MYO18B: variants seen among roughly 807,000 people sequenced by gnomAD.
The protein encoded by MYO18B is unconventional myosin-XVIIIb.
In MYO18B, 204 loss-of-function variants were observed where a neutral mutation model predicts 273.0. That is an observed-to-expected ratio of 0.75 (90% CI 0.67 to 0.84). The LOEUF (loss-of-function observed/expected upper bound fraction) is 0.84, where lower values mean the gene tolerates loss of function less well. MYO18B is among the 40% of genes least tolerant of loss of function. MYO18B has a pLI of 0.00. For synonymous variants in MYO18B, 1,330 were observed against 1,305.7 expected, an observed-to-expected ratio of 1.02 and a Z score of -0.40; for missense variants, 3,212 against 3,287.6, an observed-to-expected ratio of 0.98 and a Z score of 0.56.
intron 1 of MYO18B, among the ~76,000 whole-genome samples, chr22:25,742,829 T>C (rs2085667946): frequency 6.6e-6 from 1 of 152,218 alleles, no homozygotes; most frequent in African/African-American, 2.4e-5. Flanking sequence ...TGGAAGTTCA[T>C]GGCTGAAGGT....
chr22:25,950,517 G>GGTGTGTGTGTGTGT (rs1555962076), intron 37 of MYO18B, 67 bp downstream of exon 37: 6 of 245,062 alleles, frequency 2.4e-5, no homozygotes, highest in Admixed American at 1.9e-4. Context: ...GAACTAATAG[G>GGTGTGTGTGTGTGT]ATGTGTGTGT....
intron 21 of MYO18B, among the ~76,000 whole-genome samples, chr22:25,860,728 T>C (rs1282193601): frequency 6.6e-6 from 1 of 152,228 alleles, no homozygotes; most frequent in Non-Finnish European, 1.5e-5. Context: ...TTTTTGTTTG[T>C]TTTATTGAGA....
the MYO18B span, among the ~76,000 whole-genome samples, chr22:26,058,834 C>A: frequency 1.3e-5 from 2 of 152,148 alleles, no homozygotes; most frequent in Admixed American, 6.5e-5. Flanking sequence ...GCCTGCAGAA[C>A]CATGAGTCAA....
At chr22:25,966,418 C>G (rs1480827892) in intron 39 of MYO18B, among the ~76,000 whole-genome samples, 1 of 152,274 alleles carries the variant, frequency 6.6e-6, no homozygotes, top group Non-Finnish European at 1.5e-5. Flanking sequence ...TGGCTATGAA[C>G]TTGAAAGCGT....
chr22:25,761,654 A>C (rs970152432), intron 2 of MYO18B, among the ~76,000 whole-genome samples: 5 of 152,120 alleles, frequency 3.3e-5, no homozygotes, highest in African/African-American at 4.8e-5. Context: ...TCTTTCTAAG[A>C]TGCCTGTTAC....
chr22:25,921,200 T>C, intron 33 of MYO18B, 57 bp from the exon 34 acceptor site: 1 of 1,507,464 alleles, frequency 6.6e-7, no homozygotes. Flanking sequence ...TCCGGAAAAC[T>C]TAGACCCTGG....
At chr22:25,994,531 TA>T (rs11404011) in intron 40 of MYO18B, among the ~76,000 whole-genome samples, 6 of 152,032 alleles carry the variant, frequency 3.9e-5, no homozygotes, top group South Asian at 2.1e-4. Flanking sequence ...GACTTTGTCT[TA>T]AAAAAAATTA....
chr22:25,887,614 A>G (rs2091539534), intron 25 of MYO18B, among the ~76,000 whole-genome samples: 1 of 152,046 alleles, frequency 6.6e-6, no homozygotes, highest in Non-Finnish European at 1.5e-5. Flanking sequence ...TCCCCCCTTC[A>G]TTAAATTGGT....
intron 29 of MYO18B, among the ~76,000 whole-genome samples, chr22:25,902,118 G>A (rs542650996): frequency 9.9e-5 from 15 of 152,224 alleles, no homozygotes; most frequent in South Asian, 4.1e-4. Flanking sequence ...GATTACAGGC[G>A]TGAGCCACCA....
At chr22:25,827,741 A>G (rs1017915629) in intron 14 of MYO18B, among the ~76,000 whole-genome samples, 7 of 152,172 alleles carry the variant, frequency 4.6e-5, no homozygotes, top group African/African-American at 1.7e-4. Context: ...GCGTGCTTAG[A>G]GAGGGAGTAC....
chr22:25,997,930 GAAACACACACACACACACACACACAC>G (rs1209409546), intron 40 of MYO18B, among the ~76,000 whole-genome samples: 70 of 95,088 alleles, frequency 7.4e-4, no homozygotes, highest in Non-Finnish European at 1.1e-3. Context: ...ACCCAGGAGA[GAAACACACACACACACACACACACAC>G]AAACACACAC....
In MYO18B at chr22:25,883,118, C is replaced by T. The variant is rs1048448028; in HGVS notation, c.4314+5070C>T. Among the ~76,000 whole-genome samples, 1 of 152,050 alleles carries T rather than the reference C, an allele frequency of 6.6e-6. No individual in the cohort carries two copies. The highest frequency in any genetic ancestry group is 1.5e-5 in the Non-Finnish European group (1 of 68,010). On this transcript the variant is annotated intron_variant, in intron 25 of 43. Transcript: ENST00000335473. This position sits in a 1 kb window ranked among gnomAD's most constrained non-coding sequence, Gnocchi z 7.6. Reference sequence around the variant, plus strand: ...CTCACTTTGTTGCCCAGGTTGGTCTCCAATTCCTGGGCTCAAGCGATCCTC... The same window carrying T: ...CTCACTTTGTTGCCCAGGTTGGTCTTCAATTCCTGGGCTCAAGCGATCCTC...
At chr22:25,916,661 T>C (rs899212408) in intron 33 of MYO18B, among the ~76,000 whole-genome samples, 6 of 152,208 alleles carry the variant, frequency 3.9e-5, no homozygotes, top group Non-Finnish European at 8.8e-5. Context: ...ACAGATAACA[T>C]GGTAGAATGC....
At chr22:25,884,299 G>T (rs2091432472) in intron 25 of MYO18B, among the ~76,000 whole-genome samples, 1 of 152,176 alleles carries the variant, frequency 6.6e-6, no homozygotes, top group Non-Finnish European at 1.5e-5. Flanking sequence ...ATGGTCACTG[G>T]TAACTGAGCC....
chr22:25,851,060 C>A (rs931753515), intron 20 of MYO18B, among the ~76,000 whole-genome samples: 1 of 152,248 alleles, frequency 6.6e-6, no homozygotes, highest in Non-Finnish European at 1.5e-5. Context: ...ATGTGTTAGA[C>A]AAAACACTTT....
chr22:26,059,850 C>T, the MYO18B span, among the ~76,000 whole-genome samples: 1 of 152,154 alleles, frequency 6.6e-6, no homozygotes, highest in East Asian at 1.9e-4. Flanking sequence ...GAAGAAATTG[C>T]ATGCTGTCCT....
chr22:25,970,943 G>A (rs1480147320), intron 39 of MYO18B, among the ~76,000 whole-genome samples: 4 of 152,150 alleles, frequency 2.6e-5, no homozygotes, highest in Non-Finnish European at 5.9e-5. Flanking sequence ...CAAGAAATAA[G>A]ATGATTTTCG....
intron 33 of MYO18B, among the ~76,000 whole-genome samples, chr22:25,919,611 C>A (rs571121815): frequency 6.6e-6 from 1 of 151,888 alleles, no homozygotes; most frequent in East Asian, 1.9e-4. Flanking sequence ...AATGCAATAA[C>A]GTGACAAAGA....
At chr22:25,980,814 C>T (rs1009153407) in intron 39 of MYO18B, among the ~76,000 whole-genome samples, 5 of 152,314 alleles carry the variant, frequency 3.3e-5, no homozygotes, top group Non-Finnish European at 5.9e-5. Flanking sequence ...GTGCCACCAA[C>T]TGCATGGCTT....
Sources: allele counts gnomAD v4.1 joint callset (sites outside exome capture counted in the v4.1 genomes callset), GRCh38; gene constraint gnomAD v4.1.1; non-coding constraint Gnocchi (gnomAD v3.1); transcripts MANE v1.5; gene names NCBI Gene and HGNC (gene_info 2026-07-23, HGNC 2026-07-21).